Variants in MSH4 observed in about 807,000 individuals in gnomAD.
MSH4 encodes the protein mutS protein homolog 4.
A neutral mutation model predicts 113.7 loss-of-function variants in MSH4; 106 were observed. The ratio of observed to expected loss-of-function variants is 0.93; its 90% CI spans 0.80 to 1.10. The LOEUF is 1.10. MSH4 is among the 50% of genes least tolerant of loss of function. The pLI, the probability that MSH4 is intolerant of heterozygous loss-of-function variation, is 0.00. For synonymous variants in MSH4, 368 were observed against 380.2 expected (o/e 0.97, Z 0.37); for missense variants, 1,061 against 1,093.7 (o/e 0.97, Z 0.42).
intron 8 of MSH4, among the ~76,000 whole-genome samples, chr1:75,863,672 A>G (rs1193495304): frequency 6.6e-6 from 1 of 152,126 alleles, no homozygotes; most frequent in Non-Finnish European, 1.5e-5. Context: ...CAAAGCCACC[A>G]ATTATTTCCA....
chr1:75,809,211 G>A (rs959920922), intron 3 of MSH4, among the ~76,000 whole-genome samples: 1 of 152,036 alleles, frequency 6.6e-6, no homozygotes, highest in Non-Finnish European at 1.5e-5. Context: ...ATGAGCCATC[G>A]AGCCTAGTTA....
intron 7 of MSH4, among the ~76,000 whole-genome samples, chr1:75,827,758 G>A (rs1370275588): frequency 6.6e-6 from 1 of 151,316 alleles, no homozygotes; most frequent in Admixed American, 6.6e-5. Flanking sequence ...AAGAGACAAA[G>A]AAGGGCATTA....
chr1:75,908,485 T>C (rs2100598410), intron 19 of MSH4, among the ~76,000 whole-genome samples: 1 of 152,278 alleles, frequency 6.6e-6, no homozygotes, highest in Admixed American at 6.5e-5. Flanking sequence ...GATAAATTTA[T>C]CAGTTGCTTT....
At chr1:75,839,975 T>A (rs1650917148) in intron 7 of MSH4, among the ~76,000 whole-genome samples, 1 of 145,368 alleles carries the variant, frequency 6.9e-6, no homozygotes, top group South Asian at 2.3e-4. Flanking sequence ...TGAGATACCA[T>A]CTCACACCAG....
intron 7 of MSH4, among the ~76,000 whole-genome samples, chr1:75,831,446 T>G (rs1370128502): frequency 6.6e-6 from 1 of 152,106 alleles, no homozygotes; most frequent in Non-Finnish European, 1.5e-5. Context: ...CTAACAGACA[T>G]CTACAGAACT....
intron 1 of MSH4, 34 bp downstream of exon 1, chr1:75,797,263 G>A (rs1360020027): frequency 1.9e-6 from 3 of 1,578,372 alleles, no homozygotes; most frequent in Non-Finnish European, 2.6e-6. Flanking sequence ...GTCTCCTTGA[G>A]GCTAGAGGCC....
intron 7 of MSH4, among the ~76,000 whole-genome samples, chr1:75,844,269 G>A (rs914658181): frequency 2.0e-4 from 30 of 152,280 alleles, no homozygotes; most frequent in African/African-American, 7.2e-4. Flanking sequence ...GGGGAAATAA[G>A]TACATTTTAA....
intron 8 of MSH4, among the ~76,000 whole-genome samples, chr1:75,854,011 G>GTATATATATATATATA (rs72458089): frequency 0.013 from 1,476 of 112,090 alleles, 41 homozygotes; most frequent in African/African-American, 0.031. Context: ...AAGTGTGTGT[G>GTATATATATATATATA]TGTATATATA....
At chr1:75,885,851 A>G (rs1256437086) in intron 15 of MSH4, among the ~76,000 whole-genome samples, 18 of 128,884 alleles carry the variant, frequency 1.4e-4, no homozygotes, top group Non-Finnish European at 2.5e-4. Context: ...ATTATATAGT[A>G]TATGTAATGT....
At chr1:75,908,845 A>G (rs1652727654) in intron 19 of MSH4, among the ~76,000 whole-genome samples, 1 of 152,090 alleles carries the variant, frequency 6.6e-6, no homozygotes, top group African/African-American at 2.4e-5. Context: ...GCTCTGGCAA[A>G]TGTTTGCAGT....
At chr1:75,878,532 A>G (rs1308741086) in intron 11 of MSH4, among the ~76,000 whole-genome samples, 1 of 152,190 alleles carries the variant, frequency 6.6e-6, no homozygotes, top group Non-Finnish European at 1.5e-5. Flanking sequence ...TGCCAAGTGC[A>G]ATAGCTCATG....
In MSH4 at chr1:75,807,088, A is replaced by C; in HGVS notation, c.535A>C (p.Lys179Gln). The C allele has an allele frequency of 6.3e-7, 1 of 1,585,246 alleles. No homozygotes were observed. Among genetic ancestry groups the C allele is most frequent in the Non-Finnish European group, 8.5e-7 (1 of 1,171,852 alleles). Residue 179 changes from lysine to glutamine, a missense_variant, in exon 3 of 20, where the codon AAA becomes CAA. Coordinates refer to ENST00000263187, the MANE Select transcript of MSH4 (RefSeq NM_002440.4). The part of the protein sequence containing the change: ...GEIGMASIDL[K>Q]NPQIILSQFA... ...AATAGGAATGGCAAGTATTGATTTAAAAAACCCCCAAATTATACTATCCCA... is the reference window on the plus strand; with the variant it reads ...AATAGGAATGGCAAGTATTGATTTACAAAACCCCCAAATTATACTATCCCA...
intron 1 of MSH4, among the ~76,000 whole-genome samples, 171 bp from the exon 2 acceptor site, chr1:75,803,560 T>C (rs1428091678): frequency 1.3e-5 from 2 of 151,918 alleles, no homozygotes; most frequent in Admixed American, 1.3e-4. Flanking sequence ...GACGTTGCAG[T>C]GAGCCGAGAT....
chr1:75,878,243 G>A lies in MSH4; in HGVS notation c.1465G>A (p.Ala489Thr). 3.1e-6 allele frequency: 5 copies of A among 1,610,740 alleles called. No homozygotes were observed. The highest frequency in any genetic ancestry group is 4.2e-6 in the Non-Finnish European group (5 of 1,179,014). The change falls in exon 11 of 20, where the codon GCA becomes ACA. Residue 489 changes from alanine to threonine, a missense_variant. Physicochemically the swap from Ala to Thr is moderately conservative, Grantham distance 58. Coordinates refer to ENST00000263187, the MANE Select transcript of MSH4 (RefSeq NM_002440.4). ...CLNMRTQKCY[A>T]VRSNINEFLD... is the part of the protein sequence containing the mutation. ...AAACATGAGGACTCAGAAGTGCTAT[G>A]CAGTGAGGTCTAACATAAATGAATT...
intron 8 of MSH4, among the ~76,000 whole-genome samples, chr1:75,856,056 G>GA (rs1651308825): frequency 1.3e-5 from 2 of 151,960 alleles, no homozygotes; most frequent in African/African-American, 2.4e-5. Context: ...GTTAAATTAG[G>GA]AAAAAAATAT....
At chr1:75,908,406 A>G (rs1177920891) in intron 19 of MSH4, among the ~76,000 whole-genome samples, 1 of 152,202 alleles carries the variant, frequency 6.6e-6, no homozygotes, top group Non-Finnish European at 1.5e-5. Flanking sequence ...TTGGCCTTCC[A>G]AAGTATTGGG....
At chr1:75,904,056 TG>T (rs1269615695) in intron 19 of MSH4, among the ~76,000 whole-genome samples, 1 of 152,212 alleles carries the variant, frequency 6.6e-6, no homozygotes, top group African/African-American at 2.4e-5. Flanking sequence ...CCCAGTTTGT[TG>T]AGACGTTTTG....
chr1:75,912,183 T>A (rs1170070898), intron 19 of MSH4, among the ~76,000 whole-genome samples: 1 of 152,104 alleles, frequency 6.6e-6, no homozygotes, highest in African/African-American at 2.4e-5. Flanking sequence ...TGTACTCTCT[T>A]TAGGGGCAAG....
chr1:75,864,036 G>A (rs1030199600), intron 8 of MSH4, among the ~76,000 whole-genome samples: 4 of 151,992 alleles, frequency 2.6e-5, no homozygotes, highest in Non-Finnish European at 4.4e-5. Flanking sequence ...AAAAAGAAAC[G>A]ACTTTTAGTA....
Sources: allele counts gnomAD v4.1 joint callset (sites outside exome capture counted in the v4.1 genomes callset), GRCh38; gene constraint gnomAD v4.1.1; transcripts MANE v1.5; gene names NCBI Gene and HGNC (gene_info 2026-07-23, HGNC 2026-07-21).